ADAM12: variants seen among roughly 807,000 people sequenced by gnomAD.
ADAM12 encodes ADAM metallopeptidase domain 12.
ADAM12 carries 70 observed loss-of-function variants against 106.4 expected under a neutral mutation model. That is an observed-to-expected ratio of 0.66 (90% confidence interval 0.54 to 0.80). ADAM12 has a LOEUF of 0.80. ADAM12 is among the 30% of genes least tolerant of loss of function. The pLI, the probability that ADAM12 is intolerant of heterozygous loss-of-function variation, is 0.00. For synonymous variants in ADAM12, 420 were observed against 433.5 expected (o/e 0.97, Z 0.39); for missense variants, 1,010 against 1,171.9 (o/e 0.86, Z 2.02).
chr10:126,187,305 C>T (rs1446392679), intron 3 of ADAM12, among the ~76,000 whole-genome samples: 1 of 147,926 alleles, frequency 6.8e-6, no homozygotes, highest in Non-Finnish European at 1.5e-5. Context: ...TAAGTTCTCC[C>T]CAACTGTGAA....
intron 3 of ADAM12, among the ~76,000 whole-genome samples, chr10:126,226,011 C>T (rs1958187136): frequency 6.6e-6 from 1 of 152,030 alleles, no homozygotes; most frequent in Non-Finnish European, 1.5e-5. Context: ...CTTGAGTACC[C>T]TCAAAGGGCA....
chr10:126,269,001 C>T (rs1323128348), intron 3 of ADAM12, among the ~76,000 whole-genome samples: 2 of 152,142 alleles, frequency 1.3e-5, no homozygotes, highest in Non-Finnish European at 2.9e-5. Flanking sequence ...ACAGCAGCCC[C>T]GAGAACCGCT....
chr10:126,278,995 G>A lies in ADAM12; in HGVS notation c.187-7C>T. On this transcript the variant is annotated splice_polypyrimidine_tract_variant and splice_region_variant and intron_variant, in intron 2 of 22. Transcript: ENST00000448723. The stretch of plus-strand genomic sequence containing the variant: ...TCAGCACTTCTGGATGATTCTGAAA[G>A]ATAAACAACAAAAGTCAGTTGAAAA... The A allele has an allele frequency of 1.9e-6, 3 of 1,610,440 alleles. No homozygotes were observed. The highest frequency in any genetic ancestry group is 2.5e-6 in the Non-Finnish European group (3 of 1,177,292).
At chr10:126,359,161 T>G (rs1855651447) in intron 1 of ADAM12, among the ~76,000 whole-genome samples, 1 of 152,114 alleles carries the variant, frequency 6.6e-6, no homozygotes, top group Non-Finnish European at 1.5e-5. Flanking sequence ...ATGATTCAAT[T>G]ACCTCCCACC....
Position 126,387,894 on chromosome 10 carries a change from G to C in ADAM12, c.88+164C>G, listed in dbSNP as rs1436711079. 9.5e-5 allele frequency among the ~76,000 whole-genome samples: 14 copies of C among 147,458 alleles called. No individual in the cohort carries two copies. The South Asian group carries it at 2.2e-3, about 23-fold the overall frequency. ...TTCCCCAAGGAATTGGCACCTGGGG[G>C]GGGGGGGTCGGTCTCGCCGCGCTGG... is the stretch of plus-strand genomic sequence containing the variant. On this transcript the variant is annotated intron_variant, in intron 1 of 22. Transcript: ENST00000448723.
At chr10:126,148,045 T>C (rs1403176458) in intron 4 of ADAM12, among the ~76,000 whole-genome samples, 2 of 152,176 alleles carry the variant, frequency 1.3e-5, no homozygotes, top group Non-Finnish European at 2.9e-5. Flanking sequence ...GCAGGCCTTA[T>C]TAAAAGTAAC....
intron 4 of ADAM12, among the ~76,000 whole-genome samples, chr10:126,144,518 G>C (rs974704528): frequency 6.6e-6 from 1 of 152,146 alleles, no homozygotes; most frequent in Admixed American, 6.5e-5. Context: ...GAGAGAAATT[G>C]ACCCATTAGA....
intron 2 of ADAM12, among the ~76,000 whole-genome samples, chr10:126,285,454 C>T (rs1040254071): frequency 1.3e-5 from 2 of 152,202 alleles, no homozygotes; most frequent in Non-Finnish European, 2.9e-5. Context: ...TGAACACTTG[C>T]TTTTGTGTGT....
intron 5 of ADAM12, among the ~76,000 whole-genome samples, chr10:126,127,897 A>T (rs1956231680): frequency 6.6e-6 from 1 of 152,154 alleles, no homozygotes; most frequent in Admixed American, 6.5e-5. Context: ...TCCCAGGCAG[A>T]GGGGCAGCAC....
intron 3 of ADAM12, among the ~76,000 whole-genome samples, chr10:126,259,229 A>ATCAGAT (rs1289728644): frequency 3.9e-5 from 6 of 152,174 alleles, no homozygotes; most frequent in Non-Finnish European, 8.8e-5. Flanking sequence ...ACCTGGGATT[A>ATCAGAT]TCAGATTCCC....
intron 2 of ADAM12, among the ~76,000 whole-genome samples, chr10:126,322,907 T>C (rs1037774389): frequency 2.0e-5 from 3 of 152,052 alleles, no homozygotes; most frequent in Non-Finnish European, 4.4e-5. Flanking sequence ...TAATGATGGG[T>C]TATATGAGGT....
chr10:126,236,564 G>A (rs1162413561), intron 3 of ADAM12, among the ~76,000 whole-genome samples: 1 of 152,214 alleles, frequency 6.6e-6, no homozygotes. Context: ...GCACGGCTCT[G>A]CGGGGGGAGC....
intron 1 of ADAM12, among the ~76,000 whole-genome samples, chr10:126,344,610 G>A (rs916087059): frequency 1.3e-5 from 2 of 152,082 alleles, no homozygotes; most frequent in Non-Finnish European, 2.9e-5. Context: ...AAATTACCTT[G>A]GGCAATATGG....
chr10:126,322,425 C>T (rs556872864), intron 2 of ADAM12, among the ~76,000 whole-genome samples: 1 of 152,324 alleles, frequency 6.6e-6, no homozygotes, highest in South Asian at 2.1e-4. Flanking sequence ...CAATTTTACA[C>T]CCCAGGGGCC....
intron 3 of ADAM12, among the ~76,000 whole-genome samples, chr10:126,216,557 G>A (rs1957991409): frequency 6.6e-6 from 1 of 152,216 alleles, no homozygotes; most frequent in Admixed American, 6.5e-5. Context: ...TTAGGTCTGA[G>A]TAACTCCAGG....
At chr10:126,288,468 G>C (rs566129121) in intron 2 of ADAM12, among the ~76,000 whole-genome samples, 4 of 152,344 alleles carry the variant, frequency 2.6e-5, no homozygotes, top group Non-Finnish European at 5.9e-5. Context: ...GGCGGCAGCA[G>C]CAAGAGCAGC....
chr10:126,189,760 C>T (rs1957463582), intron 3 of ADAM12, among the ~76,000 whole-genome samples: 1 of 152,024 alleles, frequency 6.6e-6, no homozygotes, highest in Non-Finnish European at 1.5e-5. Flanking sequence ...CACAAGCTGT[C>T]CCTCGCCTCA....
At chr10:126,029,569 G>T (rs1428912992) in intron 21 of ADAM12, among the ~76,000 whole-genome samples, 2 of 151,920 alleles carry the variant, frequency 1.3e-5, no homozygotes, top group African/African-American at 4.8e-5. Context: ...GGGGCAGGGG[G>T]AGGAGGAAAG....
chr10:126,064,606 G>A lies in ADAM12; in HGVS notation c.1609+200C>T, dbSNP rs1225332506. ...TTCTTAAGGCCAGGCTCCAGGCAGT[G>A]TCCATTTCTGTGCACCCCATGCCCA... On this transcript the variant is annotated intron_variant, in intron 14 of 22. Coordinates refer to ENST00000448723, the MANE Select transcript of ADAM12 (RefSeq NM_001288973.2). This position sits in a 1 kb window ranked among gnomAD's most constrained non-coding sequence, Gnocchi z 4.4. 3.4e-6 allele frequency: 2 copies of A among 589,350 alleles called. No individual in the cohort carries two copies. The highest frequency in any genetic ancestry group is 5.9e-6 in the Non-Finnish European group (2 of 338,634). The allele number at this position is 589,350 out of a possible 1,614,324, so 36.5% of individuals were successfully genotyped here.
Sources: allele counts gnomAD v4.1 joint callset (sites outside exome capture counted in the v4.1 genomes callset), GRCh38; gene constraint gnomAD v4.1.1; non-coding constraint Gnocchi (gnomAD v3.1); transcripts MANE v1.5; gene names NCBI Gene and HGNC (gene_info 2026-07-23, HGNC 2026-07-21).